PCDHA5: variants seen among roughly 807,000 people sequenced by gnomAD.
PCDHA5 encodes protocadherin alpha 5, also known as protocadherin alpha-5.
Under a neutral mutation model 61.6 loss-of-function variants are expected in PCDHA5, and 43 were observed. That is an observed-to-expected ratio of 0.70 (90% CI 0.55 to 0.90). The LOEUF is 0.90. Ranked by LOEUF, PCDHA5 falls within the 40% of genes least tolerant of loss-of-function variation. The probability of loss-of-function intolerance (pLI) is 0.00; values close to 1 mark genes in which losing one functional copy is unlikely to be tolerated. For missense variants in PCDHA5, 1,298 were observed against 1,222.7 expected (o/e 1.06, Z -0.92); for synonymous variants, 627 against 543.9 (o/e 1.15, Z -2.13).
At chr5:140,966,593 A>G in intron 1 of PCDHA5, 1 of 595,648 alleles carries the variant, frequency 1.7e-6, no homozygotes, top group Non-Finnish European at 2.6e-6. Context: ...CGGTGGGGCC[A>G]GGAGCCCTTG....
At chr5:141,004,100 ATCT>A (rs1241437793) in intron 3 of PCDHA5, among the ~76,000 whole-genome samples, 4 of 152,204 alleles carry the variant, frequency 2.6e-5, no homozygotes, top group Non-Finnish European at 5.9e-5. Context: ...TTCCGTTTTC[ATCT>A]TCTTCAAAAG....
chr5:140,967,006 C>G, intron 1 of PCDHA5: 1 of 1,605,750 alleles, frequency 6.2e-7, no homozygotes, highest in Non-Finnish European at 8.5e-7. Flanking sequence ...TGCGCATCAA[C>G]CATCTGGGTG....
chr5:140,874,211 A>G (rs1257270226), intron 1 of PCDHA5, among the ~76,000 whole-genome samples: 1 of 152,220 alleles, frequency 6.6e-6, no homozygotes, highest in African/African-American at 2.4e-5. Context: ...CTTTATTATT[A>G]TATGCAGTAG....
At chr5:140,843,301 C>A (rs138591837) in intron 1 of PCDHA5, 5 of 1,595,850 alleles carry the variant, frequency 3.1e-6, no homozygotes, top group Middle Eastern at 1.7e-4. Context: ...CTGCGCTGAC[C>A]GCCACGGCCA....
chr5:140,847,830 A>G lies in PCDHA5; in HGVS notation c.2352+23703A>G, dbSNP rs137920365. The G allele has an allele frequency of 3.3e-5, 5 of 149,914 alleles. No homozygotes were observed. In the East Asian group the frequency reaches 7.7e-4, roughly 23 times the overall value. The allele number at this position is 149,914 out of a possible 1,614,324, so 9.3% of individuals were successfully genotyped here. ...ATTCATAGAATTACTCAAGAAAACT[A>G]CCTCAGTTGGTTGCTACTTTTTGTT... On this transcript the variant is annotated intron_variant, in intron 1 of 3. Transcript: ENST00000529859.
chr5:140,876,644 C>T, intron 1 of PCDHA5: 2 of 1,614,200 alleles, frequency 1.2e-6, no homozygotes, highest in South Asian at 1.1e-5. Context: ...TCACTGACAC[C>T]TCATGTTCCC....
intron 3 of PCDHA5, among the ~76,000 whole-genome samples, chr5:141,002,404 C>T (rs1167193365): frequency 2.0e-5 from 3 of 152,200 alleles, no homozygotes; most frequent in African/African-American, 7.2e-5. Context: ...CTCTGTGCCT[C>T]CCAAATAGTA....
At chr5:140,834,972 C>T (rs1275898995) in intron 1 of PCDHA5, 3 of 1,500,634 alleles carry the variant, frequency 2.0e-6, no homozygotes, top group East Asian at 4.8e-5. Context: ...ACTTGTATTA[C>T]GGAAACTTTT....
intron 3 of PCDHA5, among the ~76,000 whole-genome samples, chr5:140,986,776 C>T (rs916981139): frequency 2.6e-5 from 4 of 152,098 alleles, no homozygotes; most frequent in Non-Finnish European, 4.4e-5. Flanking sequence ...AATTAGGTAG[C>T]GGAAGCCACT....
rs2150361348 is a variant in PCDHA5, at chr5:140,843,506, G to T, written c.2352+19379G>T. 1.9e-6 allele frequency: 3 copies of T among 1,596,028 alleles called. No homozygotes were observed. The East Asian group carries it at 6.7e-5, about 36-fold the overall frequency. On this transcript the variant is annotated intron_variant, in intron 1 of 3. Coordinates refer to ENST00000529859, the MANE Select transcript of PCDHA5 (RefSeq NM_018908.3). ...GCTGCGGTGCTCAGCACTGCCCACT[G>T]AGGGCGGGTGCCGGGCGGGCAAGCC...
intron 1 of PCDHA5, chr5:140,842,063 G>C (rs1213934072): frequency 1.2e-6 from 2 of 1,613,830 alleles, no homozygotes; most frequent in African/African-American, 1.3e-5. Flanking sequence ...GTCTGAATAC[G>C]AAGTAAGAAT....
chr5:140,850,663 G>C (rs2150492641), intron 1 of PCDHA5: 11 of 1,598,502 alleles, frequency 6.9e-6, no homozygotes, highest in African/African-American at 1.3e-5. Context: ...GTGCTGCGGT[G>C]CTCGGCGATG....
intron 1 of PCDHA5, chr5:140,849,467 T>A: frequency 1.3e-6 from 2 of 1,589,378 alleles, no homozygotes; most frequent in South Asian, 2.2e-5. Context: ...AGGCTGTCGA[T>A]AAAGGCTTCC....
intron 1 of PCDHA5, chr5:140,843,297 T>C: frequency 6.3e-7 from 1 of 1,595,944 alleles, no homozygotes; most frequent in Non-Finnish European, 8.6e-7. Context: ...GAACCTGCGC[T>C]GACCGCCACG....
chr5:140,832,834 T>C (rs1009712923), intron 1 of PCDHA5, among the ~76,000 whole-genome samples: 2 of 152,174 alleles, frequency 1.3e-5, no homozygotes, highest in African/African-American at 4.8e-5. Flanking sequence ...CTTTTTCCCT[T>C]GTTGAAGGAG....
intron 1 of PCDHA5, among the ~76,000 whole-genome samples, chr5:140,935,583 C>T (rs1182817725): frequency 1.3e-5 from 2 of 152,168 alleles, no homozygotes; most frequent in Admixed American, 6.5e-5. Flanking sequence ...AGTTAAGCCA[C>T]CAGCTAGATA....
chr5:140,830,936 T>C (rs1771298831), intron 1 of PCDHA5: 1 of 152,346 alleles, frequency 6.6e-6, no homozygotes, highest in South Asian at 2.1e-4. Context: ...TGTCGACACT[T>C]TTATTAAGCT....
intron 1 of PCDHA5, chr5:140,835,675 G>T (rs2150241595): frequency 2.5e-6 from 4 of 1,613,918 alleles, no homozygotes; most frequent in Non-Finnish European, 3.4e-6. Flanking sequence ...CGGGACGGGG[G>T]CTCGCCTTCT....
intron 1 of PCDHA5, chr5:140,867,818 C>G (rs1319756642): frequency 6.6e-6 from 1 of 152,040 alleles, no homozygotes; most frequent in African/African-American, 2.4e-5. Flanking sequence ...AATTCCATTT[C>G]CACAAGCACT....
Sources: allele counts gnomAD v4.1 joint callset (sites outside exome capture counted in the v4.1 genomes callset), GRCh38; gene constraint gnomAD v4.1.1; transcripts MANE v1.5; gene names NCBI Gene and HGNC (gene_info 2026-07-23, HGNC 2026-07-21).